Variants in KCNIP1 observed in about 807,000 individuals in gnomAD.
The protein encoded by KCNIP1 is potassium voltage-gated channel interacting protein 1, also known as A-type potassium channel modulatory protein KCNIP1.
KCNIP1 carries 18 observed loss-of-function variants against 33.0 expected under a neutral mutation model. That is an observed-to-expected ratio of 0.55 (90% CI 0.38 to 0.81). KCNIP1 has a LOEUF of 0.81. KCNIP1 is among the 30% of genes least tolerant of loss of function. The pLI is 0.00. For missense variants in KCNIP1, 238 were observed against 271.6 expected, an observed-to-expected ratio of 0.88 and a Z score of 0.87; for synonymous variants, 93 against 98.3, an observed-to-expected ratio of 0.95 and a Z score of 0.32.
Position 170,735,982 on chromosome 5 carries a change from GTC to G in KCNIP1, c.*180_*181del, listed in dbSNP as rs1028825155. On this transcript the variant is annotated 3_prime_UTR_variant, in exon 8 of 8. Transcript: ENST00000328939. ...ATGGAACCCAGCATCATGTGGCTCA[GTC>G]TCTGATTGCCAACTCTTCCTCTTTC... 34 of 580,070 alleles carry G rather than the reference GTC, an allele frequency of 5.9e-5. No individual in the cohort carries two copies. The Admixed American group carries it at 8.3e-4, about 14-fold the overall frequency. 35.9% of individuals were successfully genotyped at this position (580,070 alleles called of 1,614,324 possible).
intron 1 of KCNIP1, among the ~76,000 whole-genome samples, chr5:170,637,813 G>A (rs1472483770): frequency 6.6e-6 from 1 of 152,172 alleles, no homozygotes; most frequent in Non-Finnish European, 1.5e-5. Flanking sequence ...ATACATGTGA[G>A]CGATGCTGGG....
At chr5:170,658,310 G>A (rs920708526) in intron 1 of KCNIP1, among the ~76,000 whole-genome samples, 4 of 152,180 alleles carry the variant, frequency 2.6e-5, no homozygotes, top group African/African-American at 9.7e-5. Flanking sequence ...GGTACTCCCT[G>A]CATAGTCCCA....
chr5:170,663,915 T>C (rs1761595993), intron 1 of KCNIP1, among the ~76,000 whole-genome samples: 1 of 86,210 alleles, frequency 1.2e-5, no homozygotes, highest in Non-Finnish European at 2.2e-5. Flanking sequence ...CCATCCTTTC[T>C]ATACTCTCCT....
rs200294438 is a variant in KCNIP1, at chr5:170,718,916, G to C, written c.186+34G>C. 435 of 1,593,622 alleles carry C rather than the reference G, an allele frequency of 2.7e-4. 1 individual carries two copies. Among genetic ancestry groups the C allele is most frequent in the South Asian group, 2.4e-3 (211 of 88,210 alleles). ...CGTGCACGCTCTGAAGGCCTGGGGG[G>C]GGTTCCCACGTGAGGCTACACTCTC... On this transcript the variant is annotated intron_variant, in intron 2 of 7. Transcript: ENST00000328939.
chr5:170,407,124 A>G (rs941983147), intron 1 of KCNIP1, among the ~76,000 whole-genome samples: 6 of 152,236 alleles, frequency 3.9e-5, no homozygotes, highest in Admixed American at 3.9e-4. Flanking sequence ...TGTGGTGCGC[A>G]TGGTGGGCAG....
chr5:170,534,575 T>G (rs1168399079), intron 1 of KCNIP1, among the ~76,000 whole-genome samples: 1 of 152,030 alleles, frequency 6.6e-6, no homozygotes, highest in Non-Finnish European at 1.5e-5. Context: ...TGGAGTGCAG[T>G]GATGTGACCA....
chr5:170,532,206 A>G (rs961585809), intron 1 of KCNIP1, among the ~76,000 whole-genome samples: 13 of 152,232 alleles, frequency 8.5e-5, no homozygotes, highest in African/African-American at 3.1e-4. Context: ...ACACTTGGCT[A>G]TACAAGAAAG....
At chr5:170,469,368 T>G (rs1756674565) in intron 1 of KCNIP1, among the ~76,000 whole-genome samples, 1 of 152,334 alleles carries the variant, frequency 6.6e-6, no homozygotes, top group Middle Eastern at 3.4e-3. Flanking sequence ...CACTCCTGCC[T>G]GGGCAACAGA....
intron 1 of KCNIP1, among the ~76,000 whole-genome samples, chr5:170,431,235 G>A (rs1755733124): frequency 6.6e-6 from 1 of 152,248 alleles, no homozygotes; most frequent in South Asian, 2.1e-4. Context: ...GCCACTGCCT[G>A]TCAGGAGACA....
At chr5:170,416,795 G>T (rs973375877) in intron 1 of KCNIP1, among the ~76,000 whole-genome samples, 2 of 152,156 alleles carry the variant, frequency 1.3e-5, no homozygotes, top group Non-Finnish European at 2.9e-5. Context: ...CCTGTAAGGT[G>T]CATAGTTTTA....
chr5:170,567,982 C>T (rs191061428), intron 1 of KCNIP1, among the ~76,000 whole-genome samples: 22 of 152,280 alleles, frequency 1.4e-4, no homozygotes, highest in Admixed American at 1.0e-3. Flanking sequence ...GCACGGGCTA[C>T]GGAGCCAGGT....
chr5:170,648,353 T>A (rs1302084446), intron 1 of KCNIP1, among the ~76,000 whole-genome samples: 1 of 152,230 alleles, frequency 6.6e-6, no homozygotes, highest in East Asian at 1.9e-4. Flanking sequence ...GCTTTATTCA[T>A]AATTGACAAA....
chr5:170,366,034 G>A (rs944408776), intron 1 of KCNIP1, among the ~76,000 whole-genome samples: 6 of 152,168 alleles, frequency 3.9e-5, no homozygotes, highest in Non-Finnish European at 7.4e-5. Flanking sequence ...AATCACCCAC[G>A]TGGGCCAGAA....
At chr5:170,399,420 CAG>C (rs966382601) in intron 1 of KCNIP1, among the ~76,000 whole-genome samples, 4 of 152,116 alleles carry the variant, frequency 2.6e-5, no homozygotes, top group African/African-American at 9.7e-5. Flanking sequence ...GCCTGGTAAA[CAG>C]GGGTTTCTAT....
At chr5:170,497,337 G>A (rs1477272140) in intron 1 of KCNIP1, among the ~76,000 whole-genome samples, 1 of 152,138 alleles carries the variant, frequency 6.6e-6, no homozygotes, top group Non-Finnish European at 1.5e-5. Context: ...CGTAATTATT[G>A]TACCTATTTT....
chr5:170,405,814 C>T (rs112530137), intron 1 of KCNIP1, among the ~76,000 whole-genome samples: 97 of 152,276 alleles, frequency 6.4e-4, no homozygotes, highest in African/African-American at 2.1e-3. Flanking sequence ...GTATCACAGA[C>T]GAGCTCCCAT....
At chr5:170,577,666 A>G (rs1757651041) in intron 1 of KCNIP1, among the ~76,000 whole-genome samples, 1 of 152,270 alleles carries the variant, frequency 6.6e-6, no homozygotes, top group Non-Finnish European at 1.5e-5. Context: ...TTTCGGAGAC[A>G]GCGTGTGAAT....
At chr5:170,448,930 A>G (rs1561631164) in intron 1 of KCNIP1, among the ~76,000 whole-genome samples, 1 of 152,168 alleles carries the variant, frequency 6.6e-6, no homozygotes, top group East Asian at 1.9e-4. Context: ...AGGCTCAGGG[A>G]GTGTAAGGGA....
chr5:170,461,492 T>C (rs1756499884), intron 1 of KCNIP1, among the ~76,000 whole-genome samples: 1 of 152,158 alleles, frequency 6.6e-6, no homozygotes, highest in Non-Finnish European at 1.5e-5. Flanking sequence ...GGCTCACACC[T>C]GTAATCCCAG....
Sources: gnomAD v4.1 joint callset for allele counts (sites outside exome capture counted in the v4.1 genomes callset) on GRCh38, gnomAD v4.1.1 for gene constraint, MANE v1.5 for transcripts, NCBI Gene and HGNC (gene_info 2026-07-23, HGNC 2026-07-21) for gene names.